The following DENND2B variants were observed in gnomAD, a reference collection of about 807,000 sequenced individuals.
The protein encoded by DENND2B is DENN domain containing 2B.
DENND2B carries 32 observed loss-of-function variants against 116.0 expected under a neutral mutation model. That is an observed-to-expected ratio of 0.28 (90% CI 0.21 to 0.37). The LOEUF is 0.37. DENND2B is among the 10% of genes least tolerant of loss of function. DENND2B has a pLI of 1.00. For missense variants in DENND2B, 1,276 were observed against 1,477.7 expected (o/e 0.86, Z 2.24); for synonymous variants, 588 against 583.9 (o/e 1.01, Z -0.10).
At position 8,734,579 on chromosome 11, in the gene DENND2B, G is replaced by A. The variant is rs1171304740; in HGVS notation, c.81-3370C>T. Among the ~76,000 whole-genome samples, 3 of 152,084 alleles carry A rather than the reference G, an allele frequency of 2.0e-5. No homozygotes were observed. The South Asian group carries it at 6.2e-4, about 32-fold the overall frequency. On this transcript the variant is annotated intron_variant, in intron 2 of 19. Transcript: ENST00000313726. ...GAGACAGATGGATGACCTGAGGTCAGGAGTTCAAGACCAGCCTGGCCAACA... is the reference window on the plus strand; with the variant it reads ...GAGACAGATGGATGACCTGAGGTCAAGAGTTCAAGACCAGCCTGGCCAACA...
chr11:8,865,788 A>C (rs1008079782), intron 2 of DENND2B, among the ~76,000 whole-genome samples: 7 of 64,068 alleles, frequency 1.1e-4, no homozygotes, highest in Admixed American at 3.5e-4. Context: ...AGATTTAAGG[A>C]TATTTGGAGG....
At position 8,772,331 on chromosome 11, in the gene DENND2B, C is replaced by T. The variant is rs564885988; in HGVS notation, c.-25-21606G>A. On this transcript the variant is annotated intron_variant, in intron 1 of 19. Coordinates refer to ENST00000313726, the MANE Select transcript of DENND2B (RefSeq NM_213618.2). ...AACCTGAGGAGGGGGTTGTGGGAACCGATCCCTCCAACTTTATAGTGAGTT... is the reference window on the plus strand; with the variant it reads ...AACCTGAGGAGGGGGTTGTGGGAACTGATCCCTCCAACTTTATAGTGAGTT... 4.6e-5 allele frequency among the ~76,000 whole-genome samples: 7 copies of T among 152,144 alleles called. No homozygotes were observed. In the South Asian group the frequency reaches 6.2e-4, roughly 14 times the overall value.
upstream of DENND2B, among the ~76,000 whole-genome samples, chr11:8,875,099 A>G (rs1202390956): frequency 1.3e-5 from 2 of 152,214 alleles, no homozygotes; most frequent in South Asian, 2.1e-4. Context: ...CGAGGAGGGC[A>G]GATCACAAGG....
chr11:8,796,161 G>C (rs1256267949), intron 1 of DENND2B, among the ~76,000 whole-genome samples: 1 of 152,166 alleles, frequency 6.6e-6, no homozygotes, highest in Admixed American at 6.5e-5. Flanking sequence ...CAAGGAATGA[G>C]AGTTTATAAA....
At chr11:8,700,070 G>GA in intron 14 of DENND2B, 1 of 451,114 alleles carries the variant, frequency 2.2e-6, no homozygotes, top group Non-Finnish European at 4.5e-6. Flanking sequence ...GGCCTGGGGG[G>GA]GGGCAGGGTG....
intron 1 of DENND2B, chr11:8,909,892 A>G (rs1041105416): frequency 6.6e-6 from 1 of 152,180 alleles, no homozygotes; most frequent in Admixed American, 6.5e-5. Flanking sequence ...TGTCCCTCAA[A>G]GTGGACCTTC....
chr11:8,779,170 G>A (rs978932482), intron 1 of DENND2B, among the ~76,000 whole-genome samples: 3 of 152,226 alleles, frequency 2.0e-5, no homozygotes, highest in East Asian at 3.9e-4. Context: ...GGAGGGGACA[G>A]AGCAGCTCTG....
chr11:8,766,704 T>C (rs2055869996), intron 1 of DENND2B: 1 of 1,284,150 alleles, frequency 7.8e-7, no homozygotes, highest in Non-Finnish European at 1.0e-6. Context: ...GAAGTCATAA[T>C]CCTCTGTTGG....
At chr11:8,734,237 C>T (rs1295308555) in intron 2 of DENND2B, among the ~76,000 whole-genome samples, 2 of 152,172 alleles carry the variant, frequency 1.3e-5, no homozygotes, top group African/African-American at 4.8e-5. Flanking sequence ...TTCATTTCTT[C>T]AAAACTGTTC....
At chr11:8,888,781 T>G (rs1244004379) in intron 1 of DENND2B, among the ~76,000 whole-genome samples, 1 of 152,016 alleles carries the variant, frequency 6.6e-6, no homozygotes, top group African/African-American at 2.4e-5. Context: ...TTTCTCAAAA[T>G]AAGATACAAA....
intron 4 of DENND2B, among the ~76,000 whole-genome samples, chr11:8,821,267 T>C (rs2061752513): frequency 6.6e-6 from 1 of 151,850 alleles, no homozygotes; most frequent in East Asian, 1.9e-4. Context: ...ACTGTATATC[T>C]TTTTGTACCT....
At chr11:8,836,215 A>G (rs946677011) in intron 4 of DENND2B, among the ~76,000 whole-genome samples, 5 of 151,354 alleles carry the variant, frequency 3.3e-5, no homozygotes, top group African/African-American at 1.2e-4. Context: ...AAATTGCAAA[A>G]TAACAGAGAA....
Position 8,712,629 on chromosome 11 carries a change from C to T in DENND2B, c.2094G>A (p.Glu698=). ...LLEWQERELF[E]YFVVVSLKKK... ...TCTTGAGGGACACCACCACAAAGTA[C>T]TCAAAAAGCTCCCGCTCCTGCCACT... Residue 698 remains glutamate (E), a synonymous_variant, in exon 9 of 20, where the codon GAG becomes GAA. Coordinates refer to ENST00000313726, the MANE Select transcript of DENND2B (RefSeq NM_213618.2). This position sits in a 1 kb window ranked among gnomAD's most constrained non-coding sequence, Gnocchi z 4.4. The T allele has an allele frequency of 6.4e-7, 1 of 1,571,782 alleles. No individual in the cohort carries two copies. Among genetic ancestry groups the T allele is most frequent in the Non-Finnish European group, 8.6e-7 (1 of 1,157,994 alleles).
intron 1 of DENND2B, among the ~76,000 whole-genome samples, chr11:8,798,914 G>A (rs192127857): frequency 2.5e-3 from 350 of 140,430 alleles, no homozygotes; most frequent in African/African-American, 8.5e-3. Flanking sequence ...TGCAAACTCC[G>A]CCTCCCAGGT....
In DENND2B at chr11:8,766,653, G is replaced by C. The variant is rs370085341; in HGVS notation, c.-25-15928C>G. ...CGAAAATACCTTCTTTGTTCCCACGGGGTTTCTTGCCAGCTATGCGCCCCA... is the reference window on the plus strand; with the variant it reads ...CGAAAATACCTTCTTTGTTCCCACGCGGTTTCTTGCCAGCTATGCGCCCCA... On this transcript the variant is annotated intron_variant, in intron 1 of 19. Transcript: ENST00000313726. 1.8e-5 allele frequency: 23 copies of C among 1,289,320 alleles called. 1 individual carries two copies. In the East Asian group the frequency reaches 1.3e-3, roughly 72 times the overall value. 79.9% of individuals were successfully genotyped at this position (1,289,320 alleles called of 1,614,324 possible).
intron 1 of DENND2B, among the ~76,000 whole-genome samples, chr11:8,772,173 C>T (rs1459893380): frequency 6.6e-6 from 1 of 151,428 alleles, no homozygotes; most frequent in African/African-American, 2.4e-5. Flanking sequence ...AAATTTTGCC[C>T]TATGCATCTC....
At chr11:8,772,158 CA>C (rs1450367112) in intron 1 of DENND2B, among the ~76,000 whole-genome samples, 8 of 151,420 alleles carry the variant, frequency 5.3e-5, no homozygotes, top group Non-Finnish European at 1.0e-4. Flanking sequence ...CACACACACA[CA>C]CCAAAATTTT....
At chr11:8,792,398 G>A (rs1184881308) in intron 1 of DENND2B, among the ~76,000 whole-genome samples, 1 of 152,134 alleles carries the variant, frequency 6.6e-6, no homozygotes, top group Non-Finnish European at 1.5e-5. Context: ...CAGCCGAGAA[G>A]CGAGATGAGG....
At chr11:8,734,775 G>A (rs1361524474) in intron 2 of DENND2B, among the ~76,000 whole-genome samples, 1 of 125,142 alleles carries the variant, frequency 8.0e-6, no homozygotes, top group African/African-American at 2.9e-5. Context: ...GGCAGCAAGA[G>A]TGAAAACAAG....
Sources: allele counts gnomAD v4.1 joint callset (sites outside exome capture counted in the v4.1 genomes callset), GRCh38; gene constraint gnomAD v4.1.1; non-coding constraint Gnocchi (gnomAD v3.1); transcripts MANE v1.5; gene names NCBI Gene and HGNC (gene_info 2026-07-23, HGNC 2026-07-21).